Variants in ORC6 observed in about 807,000 individuals in gnomAD.
ORC6 encodes origin recognition complex subunit 6, also known as origin recognition complex, subunit 6 homolog-like (yeast).
ORC6 carries 31 observed loss-of-function variants against 30.0 expected under a neutral mutation model. The ratio of observed to expected loss-of-function variants is 1.03; its 90% CI spans 0.78 to 1.40. The LOEUF (loss-of-function observed/expected upper bound fraction) is 1.40, where lower values mean the gene tolerates loss of function less well. Among genes scored for constraint, ORC6 ranks in the 40% most tolerant of loss-of-function variants. The pLI is 0.00. For missense variants in ORC6, 340 were observed against 304.3 expected (o/e 1.12, Z -0.87); for synonymous variants, 136 against 111.2 (o/e 1.22, Z -1.40).
chr16:46,691,983 C>CTCTCTCTCT (rs1357880671), intron 2 of ORC6, among the ~76,000 whole-genome samples: 26 of 148,798 alleles, frequency 1.7e-4, no homozygotes, highest in East Asian at 5.9e-4. Context: ...CTCTCTCTCA[C>CTCTCTCTCT]CACCCCGCCC....
intron 1 of ORC6, 36 bp downstream of exon 1, chr16:46,689,806 C>T (rs537443794): frequency 9.0e-6 from 14 of 1,556,360 alleles, no homozygotes; most frequent in Non-Finnish European, 1.2e-5. Context: ...GCTGGGCTTC[C>T]GCCTCGCGGC....
Position 46,689,725 on chromosome 16 carries a change from G to A in ORC6, c.20G>A (p.Gly7Glu), listed in dbSNP as rs1328088584. 1 of 1,602,632 alleles carries A rather than the reference G, an allele frequency of 6.2e-7. No individual in the cohort carries two copies. The highest frequency in any genetic ancestry group is 1.1e-5 in the South Asian group (1 of 89,440). ...GGCGCCATGGGGTCGGAGCTGATCG[G>A]GCGCCTAGCCCCGCGCCTGGGCCTC... Reference protein sequence around the residue: MGSELIGRLAPRLGLAE... With the variant: MGSELIERLAPRLGLAE... The change falls in exon 1 of 7, where the codon GGG becomes GAG. Residue 7 changes from glycine (G) to glutamate (E), a missense_variant. Gly to Glu is a moderately conservative substitution (Grantham distance 98). Coordinates refer to ENST00000219097, the MANE Select transcript of ORC6 (RefSeq NM_014321.4).
intron 1 of ORC6, chr16:46,690,772 T>C: frequency 1.7e-6 from 1 of 602,650 alleles, no homozygotes; most frequent in Non-Finnish European, 3.0e-6. Context: ...AAAATTTAAC[T>C]TCCTTTTGCC....
chr16:46,693,666 C>T (rs1171807928), intron 4 of ORC6: 1 of 168,482 alleles, frequency 5.9e-6, no homozygotes, highest in African/African-American at 2.4e-5. Context: ...AGCTGGGTGT[C>T]AGCACATGCC....
intron 1 of ORC6, 74 bp downstream of exon 1, chr16:46,689,844 C>T (rs2143010056): frequency 2.7e-6 from 4 of 1,473,272 alleles, no homozygotes; most frequent in East Asian, 2.6e-5. Flanking sequence ...GGCCCGCGCC[C>T]TTCCCAGGCG....
At chr16:46,695,539 C>A in intron 4 of ORC6, 23 bp from the exon 5 acceptor site, 2 of 1,470,240 alleles carry the variant, frequency 1.4e-6, no homozygotes, top group Middle Eastern at 1.7e-4. Context: ...TTGAGAAAAG[C>A]AACTTATGAA....
At chr16:46,691,614 CAT>C (rs992282551) in intron 2 of ORC6, among the ~76,000 whole-genome samples, 1 of 152,184 alleles carries the variant, frequency 6.6e-6, no homozygotes, top group African/African-American at 2.4e-5. Context: ...GCACCTGTGT[CAT>C]AACGATACAC....
At chr16:46,689,795 G>T in intron 1 of ORC6, 25 bp downstream of exon 1, 1 of 1,571,852 alleles carries the variant, frequency 6.4e-7, no homozygotes, top group East Asian at 2.3e-5. Flanking sequence ...GCAAGACCAG[G>T]GCTGGGCTTC....
chr16:46,691,956 A>ACTCT (rs779757463), intron 2 of ORC6, among the ~76,000 whole-genome samples: 1 of 4,848 alleles, frequency 2.1e-4, no homozygotes, highest in African/African-American at 4.2e-4. Context: ...ACACACACAC[A>ACTCT]CACTCTCTCT....
intron 1 of ORC6, 149 bp from the exon 2 acceptor site, chr16:46,690,842 A>G (rs1966427689): frequency 5.2e-6 from 4 of 769,772 alleles, no homozygotes; most frequent in South Asian, 2.9e-5. Flanking sequence ...TCCTCTCACC[A>G]GAGGATATGA....
intron 6 of ORC6, 184 bp downstream of exon 6, chr16:46,696,269 T>C (rs1966516751): frequency 1.6e-6 from 1 of 640,504 alleles, no homozygotes; most frequent in East Asian, 2.8e-5. Context: ...ATTAAGAATA[T>C]GGCTGGTCTG....
intron 6 of ORC6, among the ~76,000 whole-genome samples, chr16:46,696,980 A>G (rs1433196566): frequency 6.6e-6 from 1 of 152,240 alleles, no homozygotes; most frequent in African/African-American, 2.4e-5. Context: ...CTAAGAAAGT[A>G]TAATTTCTGT....
At chr16:46,691,477 T>C in intron 2 of ORC6, among the ~76,000 whole-genome samples, 1 of 152,258 alleles carries the variant, frequency 6.6e-6, no homozygotes, top group East Asian at 1.9e-4. Context: ...GAGTTTCATG[T>C]TGAGATCAAA....
chr16:46,697,611 T>G lies in ORC6; in HGVS notation c.*26T>G. 1 of 1,611,390 alleles carries G rather than the reference T, an allele frequency of 6.2e-7. No homozygotes were observed. Among genetic ancestry groups the G allele is most frequent in the Non-Finnish European group, 8.5e-7 (1 of 1,177,546 alleles). On this transcript the variant is annotated 3_prime_UTR_variant, in exon 7 of 7. Coordinates refer to ENST00000219097, the MANE Select transcript of ORC6 (RefSeq NM_014321.4). ...TTTCAGCTTCCAAACTGGTATACAT[T>G]CCAAACTGATAGTACATTGCCATCT...
chr16:46,695,797 G>T (rs1015532202), intron 5 of ORC6, 123 bp downstream of exon 5: 5 of 772,076 alleles, frequency 6.5e-6, no homozygotes, highest in Non-Finnish European at 1.1e-5. Flanking sequence ...TGTGGACCAG[G>T]TATGTTTTTA....
At chr16:46,690,917 T>G (rs1966428894) in intron 1 of ORC6, 74 bp from the exon 2 acceptor site, 2 of 1,504,744 alleles carry the variant, frequency 1.3e-6, no homozygotes, top group South Asian at 2.3e-5. Flanking sequence ...CTAACCAGGC[T>G]GTATTCATTG....
rs1966533703 is a variant in ORC6, at chr16:46,697,682, T to C, written c.*97T>C. The C allele has an allele frequency of 1.5e-6, 2 of 1,299,844 alleles. No individual in the cohort carries two copies. The highest frequency in any genetic ancestry group is 2.2e-6 in the Non-Finnish European group (2 of 899,008). The allele number at this position is 1,299,844 out of a possible 1,614,324, so 80.5% of individuals were successfully genotyped here. ...TGGGATTTTGTTTAAACTTTTATAA[T>C]AAGGATCCTAAGACTGTTGCCTTTA... is the stretch of plus-strand genomic sequence containing the variant. On this transcript the variant is annotated 3_prime_UTR_variant, in exon 7 of 7. Coordinates refer to ENST00000219097, the MANE Select transcript of ORC6 (RefSeq NM_014321.4).
Position 46,690,996 on chromosome 16 carries a change from C to T in ORC6, c.71C>T (p.Ala24Val), listed in dbSNP as rs1279789023. The T allele has an allele frequency of 1.2e-6, 2 of 1,614,196 alleles. No individual in the cohort carries two copies. Among genetic ancestry groups the T allele is most frequent in the South Asian group, 1.1e-5 (1 of 91,082 alleles). The change falls in exon 2 of 7, where the codon GCA becomes GTA. Residue 24 changes from alanine to valine, a missense_variant. Ala to Val is a moderately conservative substitution (Grantham distance 64, BLOSUM62 0). Transcript: ENST00000219097. Reference protein sequence around the residue: ...GLAEPDMLRKAEEYLRLSRVK... With the variant: ...GLAEPDMLRKVEEYLRLSRVK... The stretch of plus-strand genomic sequence containing the variant: ...CACACTGCCCTTTTAACCAGGAAAG[C>T]AGAGGAGTACTTGCGCCTGTCCCGG...
intron 1 of ORC6, 23 bp downstream of exon 1, chr16:46,689,793 A>T: frequency 6.4e-7 from 1 of 1,573,824 alleles, no homozygotes; most frequent in Non-Finnish European, 8.6e-7. Flanking sequence ...GCGCAAGACC[A>T]GGGCTGGGCT....
Sources: allele counts gnomAD v4.1 joint callset (sites outside exome capture counted in the v4.1 genomes callset), GRCh38; gene constraint gnomAD v4.1.1; transcripts MANE v1.5; gene names NCBI Gene and HGNC (gene_info 2026-07-23, HGNC 2026-07-21).